Variants in SYNPR observed in about 807,000 individuals in gnomAD.
The protein encoded by SYNPR is synaptoporin.
SYNPR carries 23 observed loss-of-function variants against 32.9 expected under a neutral mutation model. The observed-to-expected ratio is 0.70, with a 90% CI of 0.50 to 0.99. The LOEUF (loss-of-function observed/expected upper bound fraction) is 0.99. SYNPR is among the 50% of genes least tolerant of loss of function. SYNPR has a pLI of 0.00. For missense variants in SYNPR, 318 were observed against 349.3 expected, an observed-to-expected ratio of 0.91 and a Z score of 0.71; for synonymous variants, 146 against 135.9, an observed-to-expected ratio of 1.07 and a Z score of -0.52.
chr3:63,594,866 G>C (rs770392732), intron 4 of SYNPR, among the ~76,000 whole-genome samples: 24 of 152,016 alleles, frequency 1.6e-4, no homozygotes, highest in Non-Finnish European at 3.5e-4. Flanking sequence ...ATTTATTCCG[G>C]CTATGACAAT....
intron 3 of SYNPR, among the ~76,000 whole-genome samples, chr3:63,515,910 G>A (rs1442770751): frequency 6.6e-6 from 1 of 151,912 alleles, no homozygotes; most frequent in African/African-American, 2.4e-5. Context: ...CAATCATGAG[G>A]ATCCCTCCTA....
At chr3:63,426,795 T>A (rs1034493639) in intron 2 of SYNPR, 5 of 151,022 alleles carry the variant, frequency 3.3e-5, no homozygotes, top group Non-Finnish European at 7.4e-5. Context: ...GTTGTGCCTA[T>A]CAATAAAGAG....
chr3:63,616,135 A>G lies in SYNPR; in HGVS notation c.*654A>G, dbSNP rs1700275412. 1 of 152,194 alleles carries G rather than the reference A, an allele frequency of 6.6e-6. No individual in the cohort carries two copies. Among genetic ancestry groups the G allele is most frequent in the Non-Finnish European group, 1.5e-5 (1 of 68,032 alleles). The allele number at this position is 152,194 out of a possible 1,614,324, so 9.4% of individuals were successfully genotyped here. ...TATTCACTACTTTGTATACTTTGCA[A>G]ATTTGTCTCTCTGGCTTTACCCAAG... On this transcript the variant is annotated 3_prime_UTR_variant, in exon 6 of 6. Transcript: ENST00000478300.
rs78518821 is a variant in SYNPR, at chr3:63,526,631, A to G, written c.210-29912A>G. Among the ~76,000 whole-genome samples the G allele has an allele frequency of 9.6e-3, 1,460 of 152,308 alleles. 11 individuals are homozygous for G. The highest frequency in any genetic ancestry group is 0.033 in the African/African-American group (1,375 of 41,562). ...TAGTCTGCTTTTTAAATGAGTTAGTATAAGGAAAAAGGGAAATCCATTTAC... is the reference window on the plus strand; with the variant it reads ...TAGTCTGCTTTTTAAATGAGTTAGTGTAAGGAAAAAGGGAAATCCATTTAC... On this transcript the variant is annotated intron_variant, in intron 3 of 5. Coordinates refer to ENST00000478300, the MANE Select transcript of SYNPR (RefSeq NM_001130003.2).
At chr3:63,402,773 G>A (rs1166692510) in intron 2 of SYNPR, among the ~76,000 whole-genome samples, 9 of 152,246 alleles carry the variant, frequency 5.9e-5, no homozygotes, top group African/African-American at 9.6e-5. Flanking sequence ...TCCTGGTACA[G>A]AGTGGCAGCT....
intron 2 of SYNPR, among the ~76,000 whole-genome samples, chr3:63,408,679 T>C (rs2088421743): frequency 6.6e-6 from 1 of 152,108 alleles, no homozygotes; most frequent in Admixed American, 6.6e-5. Flanking sequence ...AGAGCACACA[T>C]TCACCTTTCC....
chr3:63,375,480 C>A (rs978029429), intron 2 of SYNPR, among the ~76,000 whole-genome samples: 1 of 152,054 alleles, frequency 6.6e-6, no homozygotes, highest in Non-Finnish European at 1.5e-5. Flanking sequence ...GACAGGAAAC[C>A]AAACACCGCA....
intron 3 of SYNPR, among the ~76,000 whole-genome samples, chr3:63,544,141 A>T (rs1282034328): frequency 6.6e-6 from 1 of 152,048 alleles, no homozygotes; most frequent in African/African-American, 2.4e-5. Flanking sequence ...CTGTGCGGAA[A>T]ATGAATTCTT....
chr3:63,240,837 C>G (rs1227252798), intron 1 of SYNPR, among the ~76,000 whole-genome samples: 1 of 152,072 alleles, frequency 6.6e-6, no homozygotes, highest in Non-Finnish European at 1.5e-5. Context: ...GGAGGAAACT[C>G]TGCTCCATTC....
intron 2 of SYNPR, among the ~76,000 whole-genome samples, chr3:63,359,311 G>A (rs552020184): frequency 1.7e-4 from 26 of 152,286 alleles, no homozygotes; most frequent in East Asian, 3.9e-4. Flanking sequence ...GAATTTGAAT[G>A]TGAATTAAAT....
chr3:63,500,656 G>C (rs940388963), intron 3 of SYNPR, among the ~76,000 whole-genome samples: 2 of 152,114 alleles, frequency 1.3e-5, no homozygotes, highest in Non-Finnish European at 2.9e-5. Context: ...AAAAAGAATG[G>C]TTTCTCCTCT....
chr3:63,388,078 T>C (rs2088079182), intron 2 of SYNPR, among the ~76,000 whole-genome samples: 1 of 152,078 alleles, frequency 6.6e-6, no homozygotes, highest in Admixed American at 6.5e-5. Flanking sequence ...CCCTCAGAGC[T>C]CTTTCCAGCT....
intron 1 of SYNPR, among the ~76,000 whole-genome samples, chr3:63,232,437 A>G (rs562115624): frequency 3.3e-5 from 5 of 152,056 alleles, no homozygotes; most frequent in South Asian, 4.1e-4. Context: ...TCTTGACCTC[A>G]AGTGATCCGC....
chr3:63,257,221 C>A (rs1240795580), intron 2 of SYNPR, among the ~76,000 whole-genome samples: 1 of 152,098 alleles, frequency 6.6e-6, no homozygotes, highest in African/African-American at 2.4e-5. Context: ...TAGAGAATGC[C>A]ACAAAGATAC....
At chr3:63,461,072 G>A (rs1190776738) in intron 2 of SYNPR, among the ~76,000 whole-genome samples, 1 of 151,938 alleles carries the variant, frequency 6.6e-6, no homozygotes, top group Non-Finnish European at 1.5e-5. Context: ...AGGTACCATG[G>A]GCTGCGCTTG....
chr3:63,577,467 C>G (rs548419926), intron 4 of SYNPR, among the ~76,000 whole-genome samples: 1 of 152,102 alleles, frequency 6.6e-6, no homozygotes, highest in East Asian at 1.9e-4. Context: ...AACTTGGGAA[C>G]TGTTTTTTTG....
chr3:63,487,725 T>C (rs1358357823), intron 3 of SYNPR, among the ~76,000 whole-genome samples: 1 of 152,186 alleles, frequency 6.6e-6, no homozygotes, highest in Non-Finnish European at 1.5e-5. Flanking sequence ...TTTAAAAAAA[T>C]TTAACTAATG....
chr3:63,485,125 C>T (rs543978706), intron 3 of SYNPR, among the ~76,000 whole-genome samples: 29 of 151,994 alleles, frequency 1.9e-4, no homozygotes, highest in Non-Finnish European at 3.4e-4. Context: ...GAAAATGAAG[C>T]TTTAAGAGTC....
intron 4 of SYNPR, among the ~76,000 whole-genome samples, chr3:63,597,476 A>G (rs1467775273): frequency 2.0e-5 from 3 of 152,200 alleles, no homozygotes; most frequent in South Asian, 2.1e-4. Context: ...TTAACTAAGC[A>G]TTGAAAATGG....
Sources: allele counts gnomAD v4.1 joint callset (sites outside exome capture counted in the v4.1 genomes callset), GRCh38; gene constraint gnomAD v4.1.1; transcripts MANE v1.5; gene names NCBI Gene and HGNC (gene_info 2026-07-23, HGNC 2026-07-21).